Variants in AMZ1 observed in about 807,000 individuals in gnomAD.
The protein encoded by AMZ1 is archaemetzincin-1.
In AMZ1, 39 loss-of-function variants were observed where a neutral mutation model predicts 29.9. That is an observed-to-expected ratio of 1.30 (90% CI 1.01 to 1.70). AMZ1 has a LOEUF of 1.70. Among genes scored for constraint, AMZ1 ranks in the 40% most tolerant of loss-of-function variants. AMZ1 has a pLI of 0.00. For synonymous variants in AMZ1, 458 were observed against 304.0 expected (o/e 1.51, Z -5.27); for missense variants, 1,041 against 680.6 (o/e 1.53, Z -5.89).
chr7:2,762,986 GTGTGCTAC>G (rs1791639520), upstream of AMZ1: 3 of 1,318,342 alleles, frequency 2.3e-6, no homozygotes, highest in Non-Finnish European at 2.9e-6. Flanking sequence ...AAGAGCCCTT[GTGTGCTAC>G]TGTGGTCGCC....
chr7:2,693,487 C>T (rs1005344638), intron 1 of AMZ1, among the ~76,000 whole-genome samples: 1 of 152,144 alleles, frequency 6.6e-6, no homozygotes, highest in African/African-American at 2.4e-5. Context: ...TGGAGACTTC[C>T]TCCGACCTCA....
chr7:2,722,446 A>G (rs1789463547), downstream of AMZ1, among the ~76,000 whole-genome samples: 2 of 151,898 alleles, frequency 1.3e-5, no homozygotes, highest in Admixed American at 1.3e-4. Context: ...CTAATTTTTT[A>G]TATTTCAGCA....
At chr7:2,710,878 C>G (rs1476351350) in intron 6 of AMZ1, among the ~76,000 whole-genome samples, 1 of 152,230 alleles carries the variant, frequency 6.6e-6, no homozygotes, top group African/African-American at 2.4e-5. Flanking sequence ...GTTGCTGCTG[C>G]CAGCTGTGCC....
At chr7:2,739,080 C>T (rs528812293) in intron 4 of AMZ1, among the ~76,000 whole-genome samples, 30 of 152,304 alleles carry the variant, frequency 2.0e-4, no homozygotes, top group African/African-American at 7.0e-4. Flanking sequence ...GGTGTGTCCT[C>T]GGCGTGTGCA....
At chr7:2,708,318 T>G (rs1169560065) in intron 3 of AMZ1, among the ~76,000 whole-genome samples, 1 of 152,182 alleles carries the variant, frequency 6.6e-6, no homozygotes, top group Non-Finnish European at 1.5e-5. Flanking sequence ...AGCGCCAGTC[T>G]TGTTGGCCCG....
upstream of AMZ1, among the ~76,000 whole-genome samples, chr7:2,763,590 A>C (rs572335079): frequency 7.7e-4 from 118 of 152,338 alleles, no homozygotes; most frequent in African/African-American, 2.8e-3. Context: ...AACAAAAAAC[A>C]ATTATTTTAA....
At chr7:2,707,201 A>G (rs1448234246) in intron 3 of AMZ1, among the ~76,000 whole-genome samples, 2 of 151,806 alleles carry the variant, frequency 1.3e-5, no homozygotes, top group African/African-American at 2.4e-5. Flanking sequence ...TGAACCTGGG[A>G]GGCGGAGGTT....
At chr7:2,691,175 G>A (rs550385980) in intron 1 of AMZ1, among the ~76,000 whole-genome samples, 1 of 140,506 alleles carries the variant, frequency 7.1e-6, no homozygotes, top group South Asian at 2.3e-4. Context: ...CTGATGCTTT[G>A]CCTGGAGTAG....
At chr7:2,688,886 CAG>C (rs1195498888) in intron 1 of AMZ1, among the ~76,000 whole-genome samples, 1 of 152,214 alleles carries the variant, frequency 6.6e-6, no homozygotes, top group African/African-American at 2.4e-5. Flanking sequence ...GGAGGGGTGA[CAG>C]AGAAATGGCA....
intron 1 of AMZ1, among the ~76,000 whole-genome samples, chr7:2,695,835 A>G (rs905703672): frequency 1.3e-5 from 2 of 152,094 alleles, no homozygotes; most frequent in African/African-American, 4.8e-5. Flanking sequence ...ACATGGTGAA[A>G]CCCCGTCTCT....
At position 2,717,603 on chromosome 7, in the gene AMZ1, A is replaced by T. The variant is rs1789205152; in HGVS notation, c.*4725A>T. Among the ~76,000 whole-genome samples, 1 of 152,232 alleles carries T rather than the reference A, an allele frequency of 6.6e-6. No individual in the cohort carries two copies. Among genetic ancestry groups the T allele is most frequent in the South Asian group, 2.1e-4 (1 of 4,836 alleles). ...GCAGCAAATTTATGGCTCTTGGAAC[A>T]CGAGGCTGTCAAAGATAAACACCGC... On this transcript the variant is annotated 3_prime_UTR_variant, in exon 7 of 7. Coordinates refer to ENST00000683327, the MANE Select transcript of AMZ1 (RefSeq NM_001384743.1).
Position 2,712,572 on chromosome 7 carries a change from TG to T in AMZ1, c.1196del (p.Gly399AlafsTer76), listed in dbSNP as rs747616353. 2 of 1,611,296 alleles carry T rather than the reference TG, an allele frequency of 1.2e-6. No individual in the cohort carries two copies. Among genetic ancestry groups the T allele is most frequent in the East Asian group, 2.2e-5 (1 of 44,862 alleles). On this transcript the variant is annotated frameshift_variant, in exon 7 of 7. Transcript: ENST00000683327. LOFTEE classifies it low-confidence loss of function (END_TRUNC). ...LAASEAPLPPGGPAEAIKEHE... is the reference protein window; with the variant it reads ...LAASEAPLPPXGPAEAIKEHE... ...CAGCCTCAGAGGCTCCGCTGCCACC[TG>T]GGGGCCCTGCGGAGGCCATCAAGGA... is the stretch of plus-strand genomic sequence containing the variant.
At chr7:2,697,466 C>T (rs1469435450) in intron 1 of AMZ1, among the ~76,000 whole-genome samples, 2 of 152,056 alleles carry the variant, frequency 1.3e-5, no homozygotes, top group Non-Finnish European at 2.9e-5. Flanking sequence ...CTCCCTCCTC[C>T]AGGCTGGAGT....
downstream of AMZ1, among the ~76,000 whole-genome samples, chr7:2,724,259 G>T (rs1789537525): frequency 1.3e-5 from 2 of 152,346 alleles, no homozygotes; most frequent in South Asian, 4.1e-4. Context: ...CACGGTCTAA[G>T]CCAGCTGGGG....
rs755092398 is a variant in AMZ1 at position 2,702,857 on chromosome 7, GC to G, written c.442del (p.Arg148GlyfsTer17). The G allele has an allele frequency of 6.3e-7, 1 of 1,587,078 alleles. No individual in the cohort carries two copies. The highest frequency in any genetic ancestry group is 8.5e-7 in the Non-Finnish European group (1 of 1,172,606). Reference sequence around the variant, plus strand: ...TCCATCCGCTGCTCCTCGCGGCCCAGCCGGGACTCTGACAGGCTCCAGCTCC... The same window carrying G: ...TCCATCCGCTGCTCCTCGCGGCCCAGCGGGACTCTGACAGGCTCCAGCTCC... ...AASIRCSSRP[S>X]RDSDRLQLHT... On this transcript the variant is annotated frameshift_variant, in exon 3 of 7. Transcript: ENST00000683327. LOFTEE classifies it high-confidence loss of function.
At chr7:2,727,019 A>G (rs931427116) in intron 4 of AMZ1, among the ~76,000 whole-genome samples, 5 of 152,188 alleles carry the variant, frequency 3.3e-5, no homozygotes, top group African/African-American at 1.2e-4. Context: ...TTAGGTGTAT[A>G]TGCTGCCATG....
chr7:2,700,206 A>AG (rs1787967003), intron 1 of AMZ1, 28 bp from the exon 2 acceptor site: 5 of 556,694 alleles, frequency 9.0e-6, no homozygotes, highest in Admixed American at 3.1e-5. Context: ...CTCGGCAGTG[A>AG]GGGGACCCCT....
chr7:2,686,794 A>G (rs1177429958), upstream of AMZ1, among the ~76,000 whole-genome samples: 2 of 151,512 alleles, frequency 1.3e-5, no homozygotes, highest in Non-Finnish European at 2.9e-5. Flanking sequence ...GGCTCACTGC[A>G]ACCTCCGCCT....
intron 4 of AMZ1, among the ~76,000 whole-genome samples, chr7:2,741,799 G>C (rs188309523): frequency 6.6e-6 from 1 of 150,950 alleles, no homozygotes; most frequent in Non-Finnish European, 1.5e-5. Flanking sequence ...CTACAACCAC[G>C]GCAACTTCAG....
Sources: allele counts gnomAD v4.1 joint callset (sites outside exome capture counted in the v4.1 genomes callset), GRCh38; gene constraint gnomAD v4.1.1; transcripts MANE v1.5; gene names NCBI Gene and HGNC (gene_info 2026-07-23, HGNC 2026-07-21).